MAP3K9: variants seen among roughly 807,000 people sequenced by gnomAD.
The protein encoded by MAP3K9 is mitogen-activated protein kinase kinase kinase 9.
Under a neutral mutation model 95.8 loss-of-function variants are expected in MAP3K9, and 46 were observed. The observed-to-expected ratio is 0.48, with a 90% CI of 0.38 to 0.61. The LOEUF is 0.61. Ranked by LOEUF, MAP3K9 falls within the 20% of genes least tolerant of loss-of-function variation. The pLI is 0.00. For missense variants in MAP3K9, 1,296 were observed against 1,474.3 expected (o/e 0.88, Z 1.98); for synonymous variants, 533 against 593.8 (o/e 0.90, Z 1.49).
intron 3 of MAP3K9, among the ~76,000 whole-genome samples, chr14:70,750,887 C>T (rs895338545): frequency 6.6e-6 from 1 of 152,142 alleles, no homozygotes; most frequent in Non-Finnish European, 1.5e-5. Flanking sequence ...GTCACAGATA[C>T]ATTTTTTCCC....
At position 70,725,415 on chromosome 14, in the gene MAP3K9, C is replaced by G. The variant is rs542772441; in HGVS notation, c.*4965G>C. 1 of 152,210 alleles carries G rather than the reference C, an allele frequency of 6.6e-6. No homozygotes were observed. The highest frequency in any genetic ancestry group is 1.5e-5 in the Non-Finnish European group (1 of 68,044). The allele number at this position is 152,210 out of a possible 1,614,324, so 9.4% of individuals were successfully genotyped here. On this transcript the variant is annotated 3_prime_UTR_variant, in exon 12 of 12. Transcript: ENST00000554752. ...CCATAAGAGACTCACCTGGCCTGCA[C>G]GGCTAACCATAAGTCCCGGGCTGAG...
chr14:70,801,477 C>T (rs1450541151), intron 1 of MAP3K9, among the ~76,000 whole-genome samples: 1 of 152,076 alleles, frequency 6.6e-6, no homozygotes, highest in Non-Finnish European at 1.5e-5. Context: ...GTCTTGAATG[C>T]CTGAGCTCAA....
intron 2 of MAP3K9, among the ~76,000 whole-genome samples, chr14:70,768,638 G>A (rs928609325): frequency 1.3e-5 from 2 of 152,126 alleles, no homozygotes; most frequent in African/African-American, 4.8e-5. Flanking sequence ...CCCATTAGGA[G>A]GTCAGCAGGA....
chr14:70,803,355 A>C (rs1410844064), intron 1 of MAP3K9, among the ~76,000 whole-genome samples: 1 of 151,412 alleles, frequency 6.6e-6, no homozygotes, highest in Admixed American at 6.6e-5. Context: ...AAAAAAAAAA[A>C]AAAAAAACTG....
chr14:70,734,447 G>A lies in MAP3K9; in HGVS notation c.1965C>T (p.Asn655=). Residue 655 remains asparagine (N), a synonymous_variant, in exon 10 of 12, where the codon AAC becomes AAT. Transcript: ENST00000554752. ...GGCTACTCCTTGGGCCCTTCACCAG[G>A]TTGGGGGCACTGGACGACCACTGCT... The part of the protein sequence containing the change: ...GYKQWSSSAP[N]LVKGPRSSPA... The A allele has an allele frequency of 6.2e-7, 1 of 1,614,102 alleles. No individual in the cohort carries two copies. Among genetic ancestry groups the A allele is most frequent in the Non-Finnish European group, 8.5e-7 (1 of 1,179,980 alleles).
intron 2 of MAP3K9, among the ~76,000 whole-genome samples, chr14:70,772,111 C>A (rs1013043543): frequency 1.3e-5 from 2 of 152,338 alleles, no homozygotes; most frequent in East Asian, 1.9e-4. Context: ...CTCAGCAGAG[C>A]TGCGGTGCTG....
chr14:70,775,025 G>C (rs1240318334), intron 2 of MAP3K9, among the ~76,000 whole-genome samples: 1 of 137,596 alleles, frequency 7.3e-6, no homozygotes, highest in African/African-American at 2.7e-5. Context: ...AGATATAATA[G>C]GCAGCTTAAT....
chr14:70,738,154 A>G, intron 8 of MAP3K9, 91 bp downstream of exon 8: 2 of 1,337,712 alleles, frequency 1.5e-6, no homozygotes, highest in East Asian at 5.0e-5. Flanking sequence ...AATCAAACAC[A>G]CGACAGAGAA....
intron 2 of MAP3K9, among the ~76,000 whole-genome samples, chr14:70,781,072 T>C (rs1421073355): frequency 6.6e-6 from 1 of 152,228 alleles, no homozygotes; most frequent in Non-Finnish European, 1.5e-5. Context: ...TTGACACTTT[T>C]CCCACTGAGA....
At chr14:70,744,853 T>C (rs975266864) in intron 5 of MAP3K9, among the ~76,000 whole-genome samples, 1 of 152,080 alleles carries the variant, frequency 6.6e-6, no homozygotes, top group Admixed American at 6.5e-5. Flanking sequence ...CCATTTGGAA[T>C]TGCATCTTGT....
intron 5 of MAP3K9, among the ~76,000 whole-genome samples, chr14:70,747,692 G>T (rs2054166655): frequency 6.6e-6 from 1 of 152,108 alleles, no homozygotes; most frequent in Non-Finnish European, 1.5e-5. Flanking sequence ...AGGAGCCATA[G>T]GACTCCTGGA....
chr14:70,772,890 A>G (rs190349723), intron 2 of MAP3K9, among the ~76,000 whole-genome samples: 1 of 152,292 alleles, frequency 6.6e-6, no homozygotes, highest in African/African-American at 2.4e-5. Flanking sequence ...AGGCTGGTCT[A>G]CAAGTGGGAA....
intron 2 of MAP3K9, among the ~76,000 whole-genome samples, chr14:70,775,692 C>T (rs1447436270): frequency 1.3e-5 from 2 of 152,160 alleles, no homozygotes; most frequent in African/African-American, 2.4e-5. Context: ...GGAGAGAAAC[C>T]TGTGTTTAGA....
At position 70,730,556 on chromosome 14, in the gene MAP3K9, G is replaced by A; in HGVS notation, c.3139C>T (p.Pro1047Ser). 1.2e-6 allele frequency: 2 copies of A among 1,613,994 alleles called. No individual in the cohort carries two copies. The highest frequency in any genetic ancestry group is 1.7e-6 in the Non-Finnish European group (2 of 1,180,026). The change falls in exon 12 of 12, where the codon CCT becomes TCT. Residue 1047 changes from proline (P) to serine (S), a missense_variant. Physicochemically the swap from Pro to Ser is moderately conservative, Grantham distance 74. Coordinates refer to ENST00000554752, the MANE Select transcript of MAP3K9 (RefSeq NM_001284230.2). ...AACGGGAGCAGGGCTGGAAGTCCAGGCCGCTCCTCTACAGTGCTGCTACTG... is the reference window on the plus strand; with the variant it reads ...AACGGGAGCAGGGCTGGAAGTCCAGACCGCTCCTCTACAGTGCTGCTACTG... The part of the protein sequence containing the change: ...ASSSSTVEER[P>S]GLPALLPFQA...
intron 5 of MAP3K9, 48 bp from the exon 6 acceptor site, chr14:70,742,639 C>A (rs373520508): frequency 6.3e-7 from 1 of 1,590,886 alleles, no homozygotes; most frequent in African/African-American, 1.3e-5. Flanking sequence ...GTGCTCAGTG[C>A]AGAGGGGCTC....
intron 2 of MAP3K9, among the ~76,000 whole-genome samples, chr14:70,786,505 A>C (rs79293424): frequency 0.012 from 1,827 of 152,260 alleles, 48 homozygotes; most frequent in African/African-American, 0.042. Flanking sequence ...CCAAAGACCG[A>C]GTTCATGTTA....
chr14:70,738,487 C>T (rs1431301826), intron 7 of MAP3K9, 89 bp from the exon 8 acceptor site: 17 of 1,153,942 alleles, frequency 1.5e-5, no homozygotes, highest in Admixed American at 6.5e-5. Context: ...CACACACACA[C>T]ATTTGGAGCT....
intron 6 of MAP3K9, 116 bp downstream of exon 6, chr14:70,742,235 G>GA: frequency 7.3e-7 from 1 of 1,376,438 alleles, no homozygotes; most frequent in East Asian, 2.3e-5. Context: ...AAAACAGGCT[G>GA]GAGTTTGAGC....
intron 2 of MAP3K9, among the ~76,000 whole-genome samples, chr14:70,778,943 G>C (rs555277133): frequency 6.6e-6 from 1 of 152,302 alleles, no homozygotes; most frequent in South Asian, 2.1e-4. Context: ...TACAGAGGAA[G>C]GGGCTCCTTA....
Sources: allele counts gnomAD v4.1 joint callset (sites outside exome capture counted in the v4.1 genomes callset), GRCh38; gene constraint gnomAD v4.1.1; transcripts MANE v1.5; gene names NCBI Gene and HGNC (gene_info 2026-07-23, HGNC 2026-07-21).